The following PADI6 variants were observed in gnomAD, a reference collection of about 807,000 sequenced individuals.
PADI6 encodes the protein peptidyl arginine deiminase 6.
Under a neutral mutation model 78.2 loss-of-function variants are expected in PADI6, and 66 were observed. The observed-to-expected ratio is 0.84, with a 90% CI of 0.69 to 1.04. The LOEUF is 1.04. PADI6 is among the 50% of genes least tolerant of loss of function. PADI6 has a pLI of 0.00. For synonymous variants in PADI6, 397 were observed against 346.9 expected, an observed-to-expected ratio of 1.14 and a Z score of -1.60; for missense variants, 854 against 866.1, an observed-to-expected ratio of 0.99 and a Z score of 0.18.
In PADI6 at chr1:17,388,372, C is replaced by T. The variant is rs767730076; in HGVS notation, c.680-9C>T. 6.2e-7 allele frequency: 1 copy of T among 1,600,016 alleles called. No homozygotes were observed. The highest frequency in any genetic ancestry group is 8.5e-7 in the Non-Finnish European group (1 of 1,172,526). The stretch of plus-strand genomic sequence containing the variant: ...TCAGTGGCTGGTCCATCCCTTCTTT[C>T]TCTCCTAGAAGACAACTCCAGTACC... On this transcript the variant is annotated splice_polypyrimidine_tract_variant and intron_variant, in intron 6 of 15. Coordinates refer to ENST00000619609, the MANE Select transcript of PADI6 (RefSeq NM_207421.4).
At chr1:17,376,444 T>C (rs2075016865) in intron 3 of PADI6, among the ~76,000 whole-genome samples, 1 of 151,668 alleles carries the variant, frequency 6.6e-6, no homozygotes, top group African/African-American at 2.4e-5. Context: ...GGACTATAGG[T>C]ACCCGCCACC....
At chr1:17,392,043 G>A in intron 8 of PADI6, 71 bp from the exon 9 acceptor site, 2 of 1,280,850 alleles carry the variant, frequency 1.6e-6, no homozygotes, top group Non-Finnish European at 2.2e-6. Context: ...TTCCTCTCTT[G>A]GCACAAGGAG....
At chr1:17,397,687 C>T (rs1278735813) in intron 14 of PADI6, among the ~76,000 whole-genome samples, 1 of 152,088 alleles carries the variant, frequency 6.6e-6, no homozygotes, top group Non-Finnish European at 1.5e-5. Flanking sequence ...AACTACAAAC[C>T]CTGCAGATAG....
At position 17,394,286 on chromosome 1, in the gene PADI6, G is replaced by C. The variant is rs374238645; in HGVS notation, c.1183-14G>C. ...CCTACTAACACCCCTTCCCTGGCTC[G>C]GTCTCTCCCCCAGAGCCCTGGTATT... On this transcript the variant is annotated splice_polypyrimidine_tract_variant and intron_variant, in intron 10 of 15. Coordinates refer to ENST00000619609, the MANE Select transcript of PADI6 (RefSeq NM_207421.4). 1.1e-5 allele frequency: 18 copies of C among 1,609,510 alleles called. No homozygotes were observed. The highest frequency in any genetic ancestry group is 1.5e-5 in the Non-Finnish European group (18 of 1,176,278).
chr1:17,392,313 T>C, intron 9 of PADI6, 88 bp downstream of exon 9: 1 of 1,021,042 alleles, frequency 9.8e-7, no homozygotes, highest in East Asian at 2.6e-5. Context: ...AGGCTTCTGG[T>C]TAACCTTAAA....
rs191408315 is a variant in PADI6, at chr1:17,375,366, G to A, written c.295-61G>A. 1,358 of 1,463,134 alleles carry A rather than the reference G, an allele frequency of 9.3e-4. 16 individuals are homozygous for A. The highest frequency in any genetic ancestry group is 1.2e-4 in the Non-Finnish European group (127 of 1,059,958). The allele number at this position is 1,463,134 out of a possible 1,614,324, so 90.6% of individuals were successfully genotyped here. ...GCCTAGACTCGGCACATGGCCTGGG[G>A]CTCTGTTCCTGGCACCTCCCGTCCA... On this transcript the variant is annotated intron_variant, in intron 2 of 15. Transcript: ENST00000619609.
chr1:17,387,890 C>T (rs1273720155), intron 6 of PADI6, among the ~76,000 whole-genome samples: 1 of 152,220 alleles, frequency 6.6e-6, no homozygotes, highest in African/African-American at 2.4e-5. Context: ...CATAAGAACA[C>T]TTGGTTTCTT....
At chr1:17,394,157 C>T (rs1429448733) in intron 10 of PADI6, 75 bp downstream of exon 10, 26 of 1,559,796 alleles carry the variant, frequency 1.7e-5, no homozygotes, top group Non-Finnish European at 2.2e-5. Flanking sequence ...AATAATGGGG[C>T]ACCAAGTGGG....
chr1:17,388,692 C>A, intron 7 of PADI6, 85 bp from the exon 8 acceptor site: 1 of 1,477,680 alleles, frequency 6.8e-7, no homozygotes, highest in Non-Finnish European at 9.2e-7. Flanking sequence ...AGCTGGGGGC[C>A]GGACTGAACG....
At chr1:17,373,360 A>C (rs2074982855) in intron 2 of PADI6, 127 bp downstream of exon 2, 3 of 1,123,082 alleles carry the variant, frequency 2.7e-6, no homozygotes, top group African/African-American at 1.6e-5. Flanking sequence ...GTCTGATCTC[A>C]TCCAGTGTCT....
intron 6 of PADI6, among the ~76,000 whole-genome samples, chr1:17,387,954 T>A (rs905350523): frequency 2.0e-5 from 3 of 152,210 alleles, no homozygotes; most frequent in African/African-American, 7.2e-5. Context: ...CACTGACCTT[T>A]CTAGCATCAG....
Position 17,375,513 on chromosome 1 carries a change from C to T in PADI6, c.367+14C>T. On this transcript the variant is annotated intron_variant, in intron 3 of 15. Transcript: ENST00000619609. ...TCACTGGCATTGGTGAGTGTTGCTC[C>T]AACTGGGAGCCTGGGGCCCAACTCA... The T allele has an allele frequency of 6.3e-7, 1 of 1,592,884 alleles. No individual in the cohort carries two copies. Among genetic ancestry groups the T allele is most frequent in the South Asian group, 1.1e-5 (1 of 88,082 alleles).
intron 6 of PADI6, among the ~76,000 whole-genome samples, chr1:17,385,695 G>A (rs969582661): frequency 7.2e-5 from 11 of 151,946 alleles, no homozygotes; most frequent in African/African-American, 2.7e-4. Flanking sequence ...TGGAGGGCAA[G>A]TATGCTAGAA....
Position 17,381,084 on chromosome 1 carries a change from T to C in PADI6, c.473T>C (p.Ile158Thr). Residue 158 changes from isoleucine (I) to threonine (T), a missense_variant, in exon 5 of 16, where the codon ATC becomes ACC. Physicochemically the swap from Ile to Thr is moderately conservative, Grantham distance 89 (BLOSUM62 -1). Transcript: ENST00000619609. ...TGGGGTCCCAGCGGTTGGGGTGCCATCCTGCTTGTGAATTGCAACCCTGCT... is the reference window on the plus strand; with the variant it reads ...TGGGGTCCCAGCGGTTGGGGTGCCACCCTGCTTGTGAATTGCAACCCTGCT... Reference protein sequence around the residue: ...WIWGPSGWGAILLVNCNPADV... With the variant: ...WIWGPSGWGATLLVNCNPADV... 6.2e-7 allele frequency: 1 copy of C among 1,608,822 alleles called. No homozygotes were observed. The highest frequency in any genetic ancestry group is 8.5e-7 in the Non-Finnish European group (1 of 1,177,786).
chr1:17,375,300 G>A, intron 2 of PADI6, 127 bp from the exon 3 acceptor site: 1 of 833,210 alleles, frequency 1.2e-6, no homozygotes, highest in East Asian at 2.7e-5. Context: ...CCAGCTCATA[G>A]GTGAGACTTC....
intron 6 of PADI6, among the ~76,000 whole-genome samples, chr1:17,384,348 C>A (rs1330113512): frequency 6.6e-6 from 1 of 151,902 alleles, no homozygotes. Context: ...AATCCCAGCA[C>A]TTTGGGAGGC....
chr1:17,372,522 A>G (rs6656582), intron 1 of PADI6, among the ~76,000 whole-genome samples, 161 bp downstream of exon 1: 28,500 of 151,976 alleles, frequency 0.19, 2,829 homozygotes, highest in Middle Eastern at 0.3. Context: ...CCCAGTTCCA[A>G]CCACGCAGAA....
At chr1:17,377,410 T>C (rs567322958) in intron 3 of PADI6, among the ~76,000 whole-genome samples, 14 of 152,204 alleles carry the variant, frequency 9.2e-5, no homozygotes, top group Non-Finnish European at 1.9e-4. Context: ...GTCCCGCTGC[T>C]TCCAGTCAGT....
chr1:17,395,016 C>T lies in PADI6; in HGVS notation c.1403C>T (p.Pro468Leu), dbSNP rs2075231525. 13 of 1,613,738 alleles carry T rather than the reference C, an allele frequency of 8.1e-6. No individual in the cohort carries two copies. The highest frequency in any genetic ancestry group is 1.1e-5 in the Non-Finnish European group (13 of 1,179,882). Residue 468 changes from proline (P) to leucine (L), a missense_variant, in exon 12 of 16, where the codon CCG (proline) becomes CTG (leucine). Coordinates refer to ENST00000619609, the MANE Select transcript of PADI6 (RefSeq NM_207421.4). Reference sequence around the variant, plus strand: ...CTCTATGCCCAGCAGGTCCAAGCGCCGGTGGAGCTCTACTCAGATTGGCTA... The same window carrying T: ...CTCTATGCCCAGCAGGTCCAAGCGCTGGTGGAGCTCTACTCAGATTGGCTA... Reference protein sequence around the residue: ...DFLYAQQVQAPVELYSDWLMT... With the variant: ...DFLYAQQVQALVELYSDWLMT...
Sources: gnomAD v4.1 joint callset for allele counts (sites outside exome capture counted in the v4.1 genomes callset) on GRCh38, gnomAD v4.1.1 for gene constraint, MANE v1.5 for transcripts, NCBI Gene and HGNC (gene_info 2026-07-23, HGNC 2026-07-21) for gene names.